Variants in ESR1 observed in about 807,000 individuals in gnomAD.
ESR1 encodes the protein estrogen receptor.
Under a neutral mutation model 52.7 loss-of-function variants are expected in ESR1, and 12 were observed. The ratio of observed to expected loss-of-function variants is 0.23; its 90% CI spans 0.15 to 0.37. The LOEUF is 0.37. Among genes scored for constraint, ESR1 ranks in the 10% least tolerant of loss-of-function variants. The pLI is 1.00. For synonymous variants in ESR1, 305 were observed against 316.8 expected (o/e 0.96, Z 0.39); for missense variants, 584 against 779.7 (o/e 0.75, Z 2.99).
intron 4 of ESR1, among the ~76,000 whole-genome samples, chr6:151,970,151 C>T (rs1466095899): frequency 2.0e-5 from 3 of 152,024 alleles, no homozygotes; most frequent in Non-Finnish European, 4.4e-5. Flanking sequence ...GTGGAATCCA[C>T]GTTTGATTCT....
chr6:151,837,348 T>C (rs895805054), intron 1 of ESR1, among the ~76,000 whole-genome samples: 4 of 152,116 alleles, frequency 2.6e-5, no homozygotes, highest in Admixed American at 6.6e-5. Context: ...TTCACCCACC[T>C]TGGTCTCCTA....
intron 6 of ESR1, among the ~76,000 whole-genome samples, chr6:152,067,238 T>C (rs1296023076): frequency 6.6e-6 from 1 of 152,186 alleles, no homozygotes; most frequent in Non-Finnish European, 1.5e-5. Context: ...CTCTTGGAGC[T>C]TCTGAGAACT....
intron 3 of ESR1, among the ~76,000 whole-genome samples, chr6:151,931,117 C>T (rs775407468): frequency 3.3e-5 from 5 of 152,086 alleles, no homozygotes; most frequent in Non-Finnish European, 7.3e-5. Flanking sequence ...AGTTCTCAGC[C>T]ATTACTACCT....
chr6:151,767,957 C>T (rs952931948), intron 2 of ESR1, among the ~76,000 whole-genome samples: 5 of 152,162 alleles, frequency 3.3e-5, no homozygotes, highest in African/African-American at 1.2e-4. Context: ...ATCATTCCTC[C>T]TAGATATGAG....
intron 4 of ESR1, among the ~76,000 whole-genome samples, chr6:151,988,849 T>G (rs1396806633): frequency 6.6e-6 from 1 of 152,136 alleles, no homozygotes; most frequent in East Asian, 1.9e-4. Context: ...TTTTCTTTCA[T>G]TTTATTTTCC....
upstream of ESR1, among the ~76,000 whole-genome samples, chr6:151,801,049 G>GT (rs1777186899): frequency 1.0e-5 from 1 of 95,290 alleles, no homozygotes; most frequent in South Asian, 4.6e-4. Context: ...GGTTGATTAT[G>GT]TGGTGTGTGT....
intron 1 of ESR1, among the ~76,000 whole-genome samples, chr6:151,662,003 C>G (rs1302039634): frequency 6.6e-6 from 1 of 152,146 alleles, no homozygotes; most frequent in African/African-American, 2.4e-5. Flanking sequence ...GCCATTGGCA[C>G]ACAGCAGGGT....
intron 4 of ESR1, among the ~76,000 whole-genome samples, chr6:151,960,303 G>A (rs938735763): frequency 1.3e-5 from 2 of 152,162 alleles, no homozygotes; most frequent in African/African-American, 4.8e-5. Flanking sequence ...AAGCAAACAT[G>A]GTGGACAACT....
chr6:151,854,605 T>C (rs1015001877), intron 2 of ESR1, among the ~76,000 whole-genome samples: 1 of 152,224 alleles, frequency 6.6e-6, no homozygotes, highest in Non-Finnish European at 1.5e-5. Flanking sequence ...GCATCATCTT[T>C]CTCTGATTAG....
At chr6:152,005,546 T>C (rs1462179466) in intron 4 of ESR1, among the ~76,000 whole-genome samples, 3 of 152,052 alleles carry the variant, frequency 2.0e-5, no homozygotes, top group African/African-American at 7.2e-5. Context: ...TGCTTTCTTC[T>C]ATTGGGCAGA....
chr6:151,797,487 G>T (rs1776823754), intron 2 of ESR1, among the ~76,000 whole-genome samples: 1 of 152,178 alleles, frequency 6.6e-6, no homozygotes, highest in Non-Finnish European at 1.5e-5. Flanking sequence ...TCTGTCTCTA[G>T]CATTGCAAGT....
chr6:151,669,352 A>G (rs1424091386), intron 1 of ESR1, among the ~76,000 whole-genome samples: 1 of 151,924 alleles, frequency 6.6e-6, no homozygotes, highest in Non-Finnish European at 1.5e-5. Context: ...CCATGGAGAA[A>G]GTATTCAATA....
intron 2 of ESR1, among the ~76,000 whole-genome samples, chr6:151,710,031 T>C (rs555009253): frequency 1.1e-3 from 162 of 151,980 alleles, no homozygotes; most frequent in African/African-American, 3.8e-3. Context: ...CTGCATCTCT[T>C]TTTATATAAA....
At chr6:151,986,926 C>T (rs565125428) in intron 4 of ESR1, among the ~76,000 whole-genome samples, 9 of 151,818 alleles carry the variant, frequency 5.9e-5, no homozygotes, top group Admixed American at 1.3e-4. Context: ...TGTGTGCACG[C>T]GAGCACGTGT....
chr6:151,968,560 T>C (rs1298961530), intron 4 of ESR1, among the ~76,000 whole-genome samples: 1 of 152,212 alleles, frequency 6.6e-6, no homozygotes, highest in Non-Finnish European at 1.5e-5. Context: ...ATCTCTATTT[T>C]ATTTTTTATG....
chr6:151,958,371 G>T (rs759459636), intron 4 of ESR1, among the ~76,000 whole-genome samples: 27 of 152,138 alleles, frequency 1.8e-4, no homozygotes, highest in Admixed American at 2.6e-4. Context: ...ATCCCTATGA[G>T]TTAGGGATTA....
chr6:151,863,132 A>G (rs938039220), intron 2 of ESR1, among the ~76,000 whole-genome samples: 2 of 152,148 alleles, frequency 1.3e-5, no homozygotes, highest in Non-Finnish European at 2.9e-5. Flanking sequence ...TTGACTTGGC[A>G]ATGCGGGCTC....
intron 5 of ESR1, among the ~76,000 whole-genome samples, chr6:152,020,921 T>A (rs558335761): frequency 1.3e-5 from 2 of 152,316 alleles, no homozygotes; most frequent in African/African-American, 4.8e-5. Context: ...TATAATTGAT[T>A]TCTCCCTGTG....
rs139402394 is a variant in ESR1, at chr6:151,882,648, C to CA, written c.760+1877_760+1878insA. ...ATTATATGTAGGTTAAGCACAGGCT[C>CA]TTCCATACATTCTCCTTGAAAGCTG... On this transcript the variant is annotated intron_variant, in intron 3 of 7. Transcript: ENST00000206249. Among the ~76,000 whole-genome samples, 689 of 152,256 alleles carry CA rather than the reference C, an allele frequency of 4.5e-3. 19 individuals are homozygous for CA. The East Asian group carries it at 0.052, about 11-fold the overall frequency.
Sources: allele counts gnomAD v4.1 joint callset (sites outside exome capture counted in the v4.1 genomes callset), GRCh38; gene constraint gnomAD v4.1.1; transcripts MANE v1.5; gene names NCBI Gene and HGNC (gene_info 2026-07-23, HGNC 2026-07-21).